Variants in NEK11 observed in about 807,000 individuals in gnomAD.
NEK11 encodes NIMA related kinase 11.
In NEK11, 72 loss-of-function variants were observed where a neutral mutation model predicts 80.7. The ratio of observed to expected loss-of-function variants is 0.89; its 90% CI spans 0.74 to 1.08. The LOEUF (loss-of-function observed/expected upper bound fraction) is 1.08. Among genes scored for constraint, NEK11 ranks in the 50% least tolerant of loss-of-function variants. The pLI is 0.00. For missense variants in NEK11, 764 were observed against 763.6 expected (o/e 1.00, Z -0.01); for synonymous variants, 251 against 260.7 (o/e 0.96, Z 0.36).
At chr3:131,266,026 T>C (rs920854709) in intron 16 of NEK11, among the ~76,000 whole-genome samples, 4 of 152,236 alleles carry the variant, frequency 2.6e-5, no homozygotes, top group African/African-American at 9.6e-5. Context: ...TATTCTCTGA[T>C]GGTAGTTTGT....
At chr3:131,124,341 G>A (rs1478862474) in intron 5 of NEK11, among the ~76,000 whole-genome samples, 1 of 152,062 alleles carries the variant, frequency 6.6e-6, no homozygotes, top group Non-Finnish European at 1.5e-5. Flanking sequence ...CTCTGTGGAG[G>A]CAGAGGCACA....
chr3:131,048,339 C>T (rs900430303), intron 3 of NEK11, among the ~76,000 whole-genome samples: 4 of 152,226 alleles, frequency 2.6e-5, no homozygotes, highest in African/African-American at 9.6e-5. Context: ...AAAATGGTTA[C>T]AAAGTTCAGC....
intron 3 of NEK11, among the ~76,000 whole-genome samples, chr3:131,045,952 C>A (rs1332437121): frequency 6.6e-6 from 1 of 152,088 alleles, no homozygotes; most frequent in Non-Finnish European, 1.5e-5. Context: ...TGCCCATTTG[C>A]ATGGAATATC....
At chr3:131,271,227 A>G (rs1427415151) in intron 16 of NEK11, among the ~76,000 whole-genome samples, 2 of 152,188 alleles carry the variant, frequency 1.3e-5, no homozygotes, top group African/African-American at 4.8e-5. Flanking sequence ...TGTCTTTATC[A>G]TGAAGGCATA....
intron 3 of NEK11, among the ~76,000 whole-genome samples, chr3:131,079,369 G>T (rs942956253): frequency 6.6e-6 from 1 of 152,186 alleles, no homozygotes; most frequent in African/African-American, 2.4e-5. Context: ...AGGGCCTAAA[G>T]AAATTTTCTA....
chr3:131,138,813 G>A (rs1259045114), intron 7 of NEK11, among the ~76,000 whole-genome samples: 5 of 152,198 alleles, frequency 3.3e-5, no homozygotes, highest in Admixed American at 2.0e-4. Flanking sequence ...AAGAACTACA[G>A]TGTTACTGGG....
At chr3:131,274,639 T>C (rs2096262701) in intron 17 of NEK11, among the ~76,000 whole-genome samples, 1 of 99,652 alleles carries the variant, frequency 1.0e-5, no homozygotes, top group South Asian at 3.6e-4. Flanking sequence ...TGACTTTTTT[T>C]TTTTTTTTTT....
intron 16 of NEK11, among the ~76,000 whole-genome samples, chr3:131,268,830 C>G (rs528681911): frequency 1.3e-5 from 2 of 152,376 alleles, no homozygotes; most frequent in South Asian, 4.1e-4. Context: ...TCAGAGCCAG[C>G]AGGCAGGGAC....
chr3:131,216,190 A>G (rs1286418820), intron 14 of NEK11, among the ~76,000 whole-genome samples: 1 of 152,252 alleles, frequency 6.6e-6, no homozygotes, highest in African/African-American at 2.4e-5. Flanking sequence ...TTCTGAAGGT[A>G]CATATGAGAA....
At chr3:131,130,714 T>C (rs2149565864) in intron 5 of NEK11, among the ~76,000 whole-genome samples, 1 of 152,342 alleles carries the variant, frequency 6.6e-6, no homozygotes, top group Middle Eastern at 3.4e-3. Flanking sequence ...GATACATTAA[T>C]TGACTTTCAA....
chr3:131,207,399 C>A lies in NEK11; in HGVS notation c.1400-21129C>A, dbSNP rs544065156. Among the ~76,000 whole-genome samples, 7 of 152,152 alleles carry A rather than the reference C, an allele frequency of 4.6e-5. No individual in the cohort carries two copies. The East Asian group carries it at 1.4e-3, about 30-fold the overall frequency. Reference sequence around the variant, plus strand: ...GAGATCGAGACCATCCTGGCTAACACGGTGAAACGCTATCTCTACTAAAAA... The same window carrying A: ...GAGATCGAGACCATCCTGGCTAACAAGGTGAAACGCTATCTCTACTAAAAA... On this transcript the variant is annotated intron_variant, in intron 14 of 17. Coordinates refer to ENST00000383366, the MANE Select transcript of NEK11 (RefSeq NM_024800.5).
chr3:131,243,660 C>CA (rs1246570504), intron 16 of NEK11, among the ~76,000 whole-genome samples, 164 bp downstream of exon 16: 5 of 152,010 alleles, frequency 3.3e-5, no homozygotes, highest in Admixed American at 3.3e-4. Flanking sequence ...CCAGGAAACT[C>CA]AAAGAAAAAT....
chr3:131,225,419 C>T (rs994863354), intron 14 of NEK11, among the ~76,000 whole-genome samples: 2 of 152,150 alleles, frequency 1.3e-5, no homozygotes, highest in African/African-American at 4.8e-5. Flanking sequence ...AACATATCCT[C>T]GTTGTTAAGT....
chr3:131,037,508 T>G (rs1215282854), intron 3 of NEK11, among the ~76,000 whole-genome samples: 1 of 152,192 alleles, frequency 6.6e-6, no homozygotes. Context: ...AGTCTCAAAC[T>G]CTTAACCTCG....
chr3:131,130,879 G>C lies in NEK11; in HGVS notation c.456-1866G>C, dbSNP rs1474342469. Among the ~76,000 whole-genome samples, 24 of 152,130 alleles carry C rather than the reference G, an allele frequency of 1.6e-4. 1 individual carries two copies. On this transcript the variant is annotated intron_variant, in intron 5 of 17. Transcript: ENST00000383366. Reference sequence around the variant, plus strand: ...TGCAGTGGGGTGATCTCAGCTCACTGCTACCTCTGTCTCCCGGGTTCAAGC... The same window carrying C: ...TGCAGTGGGGTGATCTCAGCTCACTCCTACCTCTGTCTCCCGGGTTCAAGC...
At chr3:131,207,103 T>C (rs953514721) in intron 14 of NEK11, among the ~76,000 whole-genome samples, 18 of 152,252 alleles carry the variant, frequency 1.2e-4, no homozygotes, top group Admixed American at 3.9e-4. Flanking sequence ...TCTTTGCTAT[T>C]GTGAATAGTG....
intron 9 of NEK11, chr3:131,154,803 A>G: frequency 2.2e-6 from 1 of 453,352 alleles, no homozygotes; most frequent in Non-Finnish European, 4.0e-6. Flanking sequence ...GGAGTGAGAG[A>G]GCAAGCAGTG....
intron 14 of NEK11, chr3:131,174,730 T>C: frequency 6.3e-7 from 1 of 1,594,818 alleles, no homozygotes; most frequent in Non-Finnish European, 8.5e-7. Flanking sequence ...AGGAACTTCT[T>C]TGTACTCTAG....
intron 10 of NEK11, among the ~76,000 whole-genome samples, chr3:131,159,742 A>C (rs1242054241): frequency 6.9e-6 from 1 of 143,902 alleles, no homozygotes; most frequent in Non-Finnish European, 1.5e-5. Flanking sequence ...TCCAGCCTGG[A>C]TGATGGAATG....
Sources: allele counts gnomAD v4.1 joint callset (sites outside exome capture counted in the v4.1 genomes callset), GRCh38; gene constraint gnomAD v4.1.1; transcripts MANE v1.5; gene names NCBI Gene and HGNC (gene_info 2026-07-23, HGNC 2026-07-21).